The following PCDH15 variants were observed in gnomAD, a reference collection of about 807,000 sequenced individuals.
PCDH15 encodes protocadherin related 15.
In PCDH15, 129 loss-of-function variants were observed where a neutral mutation model predicts 178.5. That is an observed-to-expected ratio of 0.72 (90% CI 0.63 to 0.84). PCDH15 has a LOEUF of 0.84. Among genes scored for constraint, PCDH15 ranks in the 40% least tolerant of loss-of-function variants. PCDH15 has a pLI of 0.00. For missense variants in PCDH15, 2,230 were observed against 2,099.9 expected, an observed-to-expected ratio of 1.06 and a Z score of -1.21; for synonymous variants, 800 against 732.0, an observed-to-expected ratio of 1.09 and a Z score of -1.50.
intron 37 of PCDH15, chr10:53,809,690 A>C: frequency 1.3e-6 from 1 of 785,988 alleles, no homozygotes; most frequent in East Asian, 2.4e-5. Context: ...TAATCACAAA[A>C]ATTTCTACTG....
chr10:54,585,492 T>C lies in PCDH15; in HGVS notation c.92-57615A>G, dbSNP rs1330191812. 10 of 208,272 alleles carry C rather than the reference T, an allele frequency of 4.8e-5. No individual in the cohort carries two copies. The East Asian group carries it at 4.8e-4, about 10-fold the overall frequency. 12.9% of individuals were successfully genotyped at this position (208,272 alleles called of 1,614,324 possible). On this transcript the variant is annotated intron_variant, in intron 2 of 37. Coordinates refer to ENST00000644397, the MANE Select transcript of PCDH15 (RefSeq NM_001384140.1). ...TTATTAAAGCTAACCTTCAGAACTGTTGTTAATAACAAGACTAAGAACAAT... is the reference window on the plus strand; with the variant it reads ...TTATTAAAGCTAACCTTCAGAACTGCTGTTAATAACAAGACTAAGAACAAT...
intron 3 of PCDH15, among the ~76,000 whole-genome samples, chr10:54,814,373 A>C (rs1471024175): frequency 6.6e-6 from 1 of 152,186 alleles, no homozygotes; most frequent in Non-Finnish European, 1.5e-5. Context: ...AAATGACAAC[A>C]CAGAAAAAAA....
chr10:54,025,167 T>TGC (rs1325732185), intron 18 of PCDH15, among the ~76,000 whole-genome samples: 1 of 152,194 alleles, frequency 6.6e-6, no homozygotes, highest in African/African-American at 2.4e-5. Context: ...GCTGCTTAAC[T>TGC]ATACATCCAC....
At chr10:54,747,489 C>G (rs895540765) in intron 1 of PCDH15, among the ~76,000 whole-genome samples, 3 of 152,146 alleles carry the variant, frequency 2.0e-5, no homozygotes, top group Admixed American at 6.5e-5. Flanking sequence ...GACTCTTACA[C>G]CTACAAAGAG....
intron 3 of PCDH15, among the ~76,000 whole-genome samples, chr10:54,852,390 G>T: frequency 6.6e-6 from 1 of 152,088 alleles, no homozygotes; most frequent in East Asian, 1.9e-4. Flanking sequence ...GCAATAGAAG[G>T]TGGAAAATGC....
At chr10:54,798,230 T>C (rs77439594) in intron 1 of PCDH15, among the ~76,000 whole-genome samples, 6,084 of 151,802 alleles carry the variant, frequency 0.04, 350 homozygotes, top group African/African-American at 0.14. Context: ...CACTAATGAG[T>C]CACCACACTT....
chr10:54,778,885 A>C (rs187902926), intron 1 of PCDH15, among the ~76,000 whole-genome samples: 59 of 152,238 alleles, frequency 3.9e-4, no homozygotes, highest in Middle Eastern at 3.4e-3. Flanking sequence ...TCAAAGAAAA[A>C]AATACACAAA....
intron 28 of PCDH15, among the ~76,000 whole-genome samples, 200 bp downstream of exon 28, chr10:53,856,975 G>C (rs1391556024): frequency 1.3e-5 from 2 of 152,004 alleles, no homozygotes; most frequent in East Asian, 3.9e-4. Context: ...AGGGGCATGA[G>C]GGCTGACAAA....
At chr10:54,584,612 A>G (rs906778618) in intron 2 of PCDH15, among the ~76,000 whole-genome samples, 2 of 152,074 alleles carry the variant, frequency 1.3e-5, no homozygotes, top group East Asian at 1.9e-4. Flanking sequence ...TACTGCTTCA[A>G]TAATTTGTTT....
chr10:55,338,801 A>T (rs2131950805), intron 2 of PCDH15, among the ~76,000 whole-genome samples: 1 of 152,258 alleles, frequency 6.6e-6, no homozygotes, highest in African/African-American at 2.4e-5. Context: ...ACAAAAAAAC[A>T]AACAAACAAA....
intron 2 of PCDH15, among the ~76,000 whole-genome samples, chr10:55,019,091 C>CT (rs766147297): frequency 1.3e-4 from 19 of 151,976 alleles, no homozygotes; most frequent in Non-Finnish European, 2.1e-4. Flanking sequence ...TGCTCTAAAT[C>CT]TTTTTTTATT....
intron 2 of PCDH15, among the ~76,000 whole-genome samples, chr10:55,019,116 T>C (rs2131952268): frequency 6.6e-6 from 1 of 152,286 alleles, no homozygotes; most frequent in East Asian, 1.9e-4. Context: ...TATTACATTA[T>C]CAATCACTGA....
intron 18 of PCDH15, among the ~76,000 whole-genome samples, chr10:54,030,093 T>A (rs1387262358): frequency 3.3e-5 from 5 of 152,082 alleles, no homozygotes; most frequent in Non-Finnish European, 7.4e-5. Context: ...AGGAAATAAC[T>A]TGAGGACAAA....
chr10:55,544,088 A>T (rs1050828716), intron 2 of PCDH15, among the ~76,000 whole-genome samples: 1 of 146,010 alleles, frequency 6.8e-6, no homozygotes. Context: ...TAAGATGCAG[A>T]TCAACTGAGT....
intron 5 of PCDH15, among the ~76,000 whole-genome samples, chr10:54,368,848 A>T (rs1021326239): frequency 2.0e-5 from 3 of 152,038 alleles, no homozygotes; most frequent in Non-Finnish European, 2.9e-5. Flanking sequence ...CTAAGTAAGC[A>T]TGTAGATGGA....
intron 19 of PCDH15, among the ~76,000 whole-genome samples, chr10:54,022,035 A>C (rs1279778174): frequency 6.6e-6 from 1 of 152,042 alleles, no homozygotes; most frequent in Non-Finnish European, 1.5e-5. Flanking sequence ...TTTATTGCTG[A>C]GTTCAATTAT....
chr10:54,157,956 T>C (rs1479583548), intron 13 of PCDH15, among the ~76,000 whole-genome samples: 1 of 152,124 alleles, frequency 6.6e-6, no homozygotes, highest in East Asian at 1.9e-4. Context: ...GTTCCTCATC[T>C]CCCTCTGAGA....
At chr10:53,807,866 C>A (rs906107488) in intron 37 of PCDH15, among the ~76,000 whole-genome samples, 2 of 152,098 alleles carry the variant, frequency 1.3e-5, no homozygotes, top group African/African-American at 4.8e-5. Context: ...TTCACAAATT[C>A]ATTTGACTTT....
chr10:54,527,474 T>C (rs1053163002), intron 3 of PCDH15, among the ~76,000 whole-genome samples: 2 of 152,128 alleles, frequency 1.3e-5, no homozygotes, highest in African/African-American at 4.8e-5. Context: ...GACCACTTCT[T>C]TGGAGGAATA....
Sources: allele counts gnomAD v4.1 joint callset (sites outside exome capture counted in the v4.1 genomes callset), GRCh38; gene constraint gnomAD v4.1.1; transcripts MANE v1.5; gene names NCBI Gene and HGNC (gene_info 2026-07-23, HGNC 2026-07-21).